Variants in ONECUT2 observed in about 807,000 individuals in gnomAD.
ONECUT2 encodes one cut domain family member 2.
A neutral mutation model predicts 27.9 loss-of-function variants in ONECUT2; 10 were observed. That is an observed-to-expected ratio of 0.36 (90% confidence interval 0.22 to 0.61). ONECUT2 has a LOEUF of 0.61. ONECUT2 is among the 20% of genes least tolerant of loss of function. The probability of loss-of-function intolerance (pLI) is 0.73; values close to 1 mark genes in which losing one functional copy is unlikely to be tolerated. For synonymous variants in ONECUT2, 334 were observed against 315.1 expected, an observed-to-expected ratio of 1.06 and a Z score of -0.64; for missense variants, 686 against 721.0, an observed-to-expected ratio of 0.95 and a Z score of 0.56.
intron 1 of ONECUT2, among the ~76,000 whole-genome samples, chr18:57,437,856 A>C (rs552415202): frequency 6.6e-6 from 1 of 152,332 alleles, no homozygotes; most frequent in South Asian, 2.1e-4. Flanking sequence ...TTAAAAATTC[A>C]GGTTAGTTAA....
At chr18:57,469,542 C>A (rs916594162) in intron 1 of ONECUT2, among the ~76,000 whole-genome samples, 1 of 152,190 alleles carries the variant, frequency 6.6e-6, no homozygotes, top group Non-Finnish European at 1.5e-5. Flanking sequence ...TGGTCCAAAA[C>A]CTTTTAGGAT....
At position 57,489,780 on chromosome 18, in the gene ONECUT2, C is replaced by A. The variant is rs535077792; in HGVS notation, c.*13057C>A. The A allele has an allele frequency of 6.6e-6, 1 of 152,138 alleles. No homozygotes were observed. Among genetic ancestry groups the A allele is most frequent in the Admixed American group, 6.6e-5 (1 of 15,264 alleles). The allele number at this position is 152,138 out of a possible 1,614,324, so 9.4% of individuals were successfully genotyped here. ...GTTACACAAGTCCAAGTGGTGCCAGCAAACTTCTTACCGTGAAATGTTGTA... is the reference window on the plus strand; with the variant it reads ...GTTACACAAGTCCAAGTGGTGCCAGAAAACTTCTTACCGTGAAATGTTGTA... On this transcript the variant is annotated 3_prime_UTR_variant, in exon 2 of 2. Transcript: ENST00000491143.
In ONECUT2 at chr18:57,436,614, C is replaced by T. The variant is rs780039213; in HGVS notation, c.898C>T (p.His300Tyr). 6.2e-7 allele frequency: 1 copy of T among 1,611,058 alleles called. No individual in the cohort carries two copies. The highest frequency in any genetic ancestry group is 8.5e-7 in the Non-Finnish European group (1 of 1,179,880). Reference sequence around the variant, plus strand: ...CCTGAACGGCCTGCACCACCCGGGCCACACTCAGTCTCACGGGCCGGTGCT... The same window carrying T: ...CCTGAACGGCCTGCACCACCCGGGCTACACTCAGTCTCACGGGCCGGTGCT... ...SHLNGLHHPGHTQSHGPVLAP... is the reference protein window; with the variant it reads ...SHLNGLHHPGYTQSHGPVLAP... Residue 300 changes from histidine (H) to tyrosine (Y), a missense_variant, in exon 1 of 2, where the codon CAC becomes TAC. Physicochemically the swap from His to Tyr is moderately conservative, Grantham distance 83. Transcript: ENST00000491143. This position sits in a 1 kb window ranked among gnomAD's most constrained non-coding sequence, Gnocchi z 5.9.
Position 57,476,615 on chromosome 18 carries a change from C to T in ONECUT2, c.1407C>T (p.Thr469=), listed in dbSNP as rs375098373. Residue 469 remains threonine, a synonymous_variant, in exon 2 of 2, where the codon ACC becomes ACT. Coordinates refer to ENST00000491143, the MANE Select transcript of ONECUT2 (RefSeq NM_004852.3). The part of the protein sequence containing the change: ...ISQQLGLELT[T]VSNFFMNARR... ...AGCAGCTGGGCCTGGAGCTCACAACCGTCAGCAACTTCTTCATGAACGCCC... is the reference window on the plus strand; with the variant it reads ...AGCAGCTGGGCCTGGAGCTCACAACTGTCAGCAACTTCTTCATGAACGCCC... 1.7e-4 allele frequency: 281 copies of T among 1,614,146 alleles called. 2 individuals are homozygous for T. The highest frequency in any genetic ancestry group is 9.1e-4 in the South Asian group (83 of 91,078).
intron 1 of ONECUT2, among the ~76,000 whole-genome samples, chr18:57,441,765 T>C (rs564724227): frequency 3.9e-5 from 6 of 152,236 alleles, no homozygotes; most frequent in Non-Finnish European, 5.9e-5. Context: ...TCGGTTCTCG[T>C]ACTAAAAAGG....
At position 57,480,442 on chromosome 18, in the gene ONECUT2, A is replaced by G. The variant is rs978287164; in HGVS notation, c.*3719A>G. ...TTGATTTGGTTAGTGATTCTTTGAC[A>G]TACTAATCTCAGCGTTTGGGTCTCC... On this transcript the variant is annotated 3_prime_UTR_variant, in exon 2 of 2. Coordinates refer to ENST00000491143, the MANE Select transcript of ONECUT2 (RefSeq NM_004852.3). 1.3e-5 allele frequency: 2 copies of G among 152,186 alleles called. No homozygotes were observed. The highest frequency in any genetic ancestry group is 2.9e-5 in the Non-Finnish European group (2 of 68,056). 9.4% of individuals were successfully genotyped at this position (152,186 alleles called of 1,614,324 possible).
chr18:57,464,799 G>A (rs1239956677), intron 1 of ONECUT2, among the ~76,000 whole-genome samples: 2 of 152,172 alleles, frequency 1.3e-5, no homozygotes, highest in Non-Finnish European at 2.9e-5. Flanking sequence ...GGAGCTCAGG[G>A]ATATTCGTAG....
At chr18:57,457,196 G>A (rs1329249098) in intron 1 of ONECUT2, among the ~76,000 whole-genome samples, 1 of 152,138 alleles carries the variant, frequency 6.6e-6, no homozygotes, top group African/African-American at 2.4e-5. Context: ...GCCAACATTT[G>A]TTATTTTTTG....
In ONECUT2 at chr18:57,484,810, C is replaced by T. The variant is rs2050430960; in HGVS notation, c.*8087C>T. The T allele has an allele frequency of 6.6e-6, 1 of 152,272 alleles. No individual in the cohort carries two copies. The highest frequency in any genetic ancestry group is 2.4e-5 in the African/African-American group (1 of 41,452). The allele number at this position is 152,272 out of a possible 1,614,324, so 9.4% of individuals were successfully genotyped here. ...CCCACACATGCCTCCTGGTTCCTGC[C>T]CCAGTGCTCCGCTTATTGTACAGTG... On this transcript the variant is annotated 3_prime_UTR_variant, in exon 2 of 2. Coordinates refer to ENST00000491143, the MANE Select transcript of ONECUT2 (RefSeq NM_004852.3).
Position 57,451,978 on chromosome 18 carries a change from G to A in ONECUT2, c.1228+15034G>A, listed in dbSNP as rs116302327. ...TGTTGGTGTTTTTCTTTGTTTGTTT[G>A]TTTTGTTTTGTTTGCATTCTACCTC... On this transcript the variant is annotated intron_variant, in intron 1 of 1. Transcript: ENST00000491143. Among the ~76,000 whole-genome samples the A allele has an allele frequency of 2.0e-3, 310 of 152,152 alleles. 4 individuals carry two copies. The highest frequency in any genetic ancestry group is 7.2e-3 in the African/African-American group (298 of 41,520).
At chr18:57,446,771 G>A (rs959983781) in intron 1 of ONECUT2, among the ~76,000 whole-genome samples, 1 of 152,158 alleles carries the variant, frequency 6.6e-6, no homozygotes, top group Non-Finnish European at 1.5e-5. Flanking sequence ...TGCTGTCATA[G>A]GTGAGGTGAT....
At chr18:57,443,519 T>A (rs770103146) in intron 1 of ONECUT2, among the ~76,000 whole-genome samples, 20 of 152,226 alleles carry the variant, frequency 1.3e-4, no homozygotes, top group Non-Finnish European at 2.5e-4. Context: ...TGGGGCCCTA[T>A]CACCCCCTCT....
intron 1 of ONECUT2, among the ~76,000 whole-genome samples, chr18:57,453,193 A>G (rs1313244719): frequency 1.3e-5 from 2 of 152,214 alleles, no homozygotes; most frequent in Admixed American, 1.3e-4. Context: ...ACAGAGGGCT[A>G]CTTGAGCTGA....
Position 57,482,394 on chromosome 18 carries a change from T to C in ONECUT2, c.*5671T>C, listed in dbSNP as rs2050420551. The C allele has an allele frequency of 1.3e-5, 2 of 152,234 alleles. No individual in the cohort carries two copies. The highest frequency in any genetic ancestry group is 1.3e-4 in the Admixed American group (2 of 15,286). The allele number at this position is 152,234 out of a possible 1,614,324, so 9.4% of individuals were successfully genotyped here. A position where few individuals can be genotyped will look rare whatever the true frequency, so the allele number is the denominator to read the frequency against. On this transcript the variant is annotated 3_prime_UTR_variant, in exon 2 of 2. Coordinates refer to ENST00000491143, the MANE Select transcript of ONECUT2 (RefSeq NM_004852.3). ...GCTGTTGTGTGAATCACACAGGACC[T>C]TAAATGAGGCTCATTATTCTCACAC...
chr18:57,446,181 T>C (rs1453997864), intron 1 of ONECUT2, among the ~76,000 whole-genome samples: 2 of 152,224 alleles, frequency 1.3e-5, no homozygotes, highest in Non-Finnish European at 2.9e-5. Context: ...CTGGGCCCTT[T>C]CCAGAGTTTT....
intron 1 of ONECUT2, among the ~76,000 whole-genome samples, chr18:57,450,393 C>T (rs2050223652): frequency 6.6e-6 from 1 of 152,132 alleles, no homozygotes; most frequent in East Asian, 1.9e-4. Context: ...AGGCTGGTCT[C>T]AAACTCCTGA....
chr18:57,464,458 T>TTTTTG (rs1555674560), intron 1 of ONECUT2, among the ~76,000 whole-genome samples: 91 of 152,250 alleles, frequency 6.0e-4, no homozygotes, highest in African/African-American at 1.9e-3. Context: ...TGTTTTTTGT[T>TTTTTG]TTTTTGTTTT....
Position 57,478,427 on chromosome 18 carries a change from A to G in ONECUT2, c.*1704A>G, listed in dbSNP as rs1356223869. 6.5e-6 allele frequency: 1 copy of G among 152,676 alleles called. No individual in the cohort carries two copies. Among genetic ancestry groups the G allele is most frequent in the Non-Finnish European group, 1.5e-5 (1 of 68,046 alleles). The allele number at this position is 152,676 out of a possible 1,614,324, so 9.5% of individuals were successfully genotyped here. On this transcript the variant is annotated 3_prime_UTR_variant, in exon 2 of 2. Transcript: ENST00000491143. ...AACTTTTTCTGCACCTACTTCTGCA[A>G]CAAACAAAACTGTCCCATTAAAATG... is the stretch of plus-strand genomic sequence containing the variant.
chr18:57,467,823 T>C (rs1165826356), intron 1 of ONECUT2, among the ~76,000 whole-genome samples: 2 of 152,152 alleles, frequency 1.3e-5, no homozygotes, highest in Non-Finnish European at 2.9e-5. Flanking sequence ...GCTCGGAACT[T>C]GGGGACTTTG....
Sources: gnomAD v4.1 joint callset for allele counts (sites outside exome capture counted in the v4.1 genomes callset) on GRCh38, gnomAD v4.1.1 for gene constraint, Gnocchi (gnomAD v3.1) non-coding constraint, MANE v1.5 for transcripts, NCBI Gene and HGNC (gene_info 2026-07-23, HGNC 2026-07-21) for gene names.